The following ANKFN1 variants were observed in gnomAD, a reference collection of about 807,000 sequenced individuals.
ANKFN1 encodes ankyrin repeat and fibronectin type-III domain-containing protein 1.
A neutral mutation model predicts 108.7 loss-of-function variants in ANKFN1; 74 were observed. That is an observed-to-expected ratio of 0.68 (90% CI 0.56 to 0.83). The LOEUF (loss-of-function observed/expected upper bound fraction) is 0.83, where lower values mean the gene tolerates loss of function less well. Ranked by LOEUF, ANKFN1 falls within the 40% of genes least tolerant of loss-of-function variation. The probability of loss-of-function intolerance (pLI) is 0.00; values close to 1 mark genes in which losing one functional copy is unlikely to be tolerated. For synonymous variants in ANKFN1, 547 were observed against 516.2 expected (o/e 1.06, Z -0.81); for missense variants, 1,505 against 1,382.3 (o/e 1.09, Z -1.41).
rs1438226196 is a variant in ANKFN1, at chr17:56,090,217, A to T, written c.288+43892A>T. Among the ~76,000 whole-genome samples, 9 of 151,356 alleles carry T rather than the reference A, an allele frequency of 5.9e-5. No individual in the cohort carries two copies. The East Asian group carries it at 1.2e-3, about 20-fold the overall frequency. On this transcript the variant is annotated intron_variant, in intron 4 of 12. Coordinates refer to the ANKFN1 transcript ENST00000635860. ...GGCGCTGTATAGTGTATGAGCCAGA[A>T]TGTGAGCACTGAGTAGCAGGTGCGG...
intron 3 of ANKFN1, among the ~76,000 whole-genome samples, chr17:56,297,156 G>A (rs1226641690): frequency 2.0e-5 from 3 of 152,234 alleles, no homozygotes; most frequent in Non-Finnish European, 2.9e-5. Flanking sequence ...GGGTAAGGGT[G>A]GAGGTTGCTT....
chr17:56,146,215 G>A (rs1472043518), intron 4 of ANKFN1, among the ~76,000 whole-genome samples: 2 of 152,198 alleles, frequency 1.3e-5, no homozygotes, highest in Non-Finnish European at 2.9e-5. Context: ...TCTACCCTGT[G>A]GCTTTGCAGG....
At chr17:56,453,197 T>C (rs2049553527) in intron 11 of ANKFN1, among the ~76,000 whole-genome samples, 1 of 152,144 alleles carries the variant, frequency 6.6e-6, no homozygotes, top group Admixed American at 6.6e-5. Context: ...AGTAATGATG[T>C]ATCTCTTTTT....
At chr17:56,260,177 A>G (rs1211883137) in intron 3 of ANKFN1, among the ~76,000 whole-genome samples, 1 of 152,234 alleles carries the variant, frequency 6.6e-6, no homozygotes, top group Non-Finnish European at 1.5e-5. Context: ...TTTGCAGAAA[A>G]GAGCTGGAAG....
chr17:56,117,353 C>A (rs1906345124), intron 4 of ANKFN1, among the ~76,000 whole-genome samples: 1 of 152,136 alleles, frequency 6.6e-6, no homozygotes, highest in South Asian at 2.1e-4. Flanking sequence ...GGAGACTATT[C>A]TTATCTAATG....
chr17:56,168,764 C>T (rs1471707084), intron 1 of ANKFN1, among the ~76,000 whole-genome samples: 3 of 152,148 alleles, frequency 2.0e-5, no homozygotes, highest in Non-Finnish European at 4.4e-5. Context: ...ATCTTTTTAG[C>T]ATGATGATGC....
At chr17:56,342,706 C>T (rs1356067079) in intron 4 of ANKFN1, among the ~76,000 whole-genome samples, 2 of 152,034 alleles carry the variant, frequency 1.3e-5, no homozygotes, top group African/African-American at 4.8e-5. Context: ...GAGTGTTTTA[C>T]TTCCAATTAT....
At chr17:56,505,322 C>A (rs114875654) in intron 20 of ANKFN1, among the ~76,000 whole-genome samples, 1,806 of 152,268 alleles carry the variant, frequency 0.012, 36 homozygotes, top group African/African-American at 0.041. Context: ...ATATTTGTTT[C>A]AGTTTCAATT....
intron 3 of ANKFN1, among the ~76,000 whole-genome samples, chr17:56,299,775 G>A (rs1043632352): frequency 1.2e-4 from 18 of 152,168 alleles, no homozygotes; most frequent in Admixed American, 2.0e-4. Context: ...CTGGCACATG[G>A]TAAACCCCAA....
rs968982473 is a variant in ANKFN1 at position 56,385,348 on chromosome 17, A to G, written c.910+10634A>G. ...GATGGATTAAAGACTTAAATGTTAG[A>G]CCTAAAACCATAAAAACCCTAGAAG... On this transcript the variant is annotated intron_variant, in intron 8 of 20. Transcript: ENST00000682825. Among the ~76,000 whole-genome samples the G allele has an allele frequency of 4.6e-5, 7 of 152,332 alleles. No homozygotes were observed. The East Asian group carries it at 5.8e-4, about 13-fold the overall frequency.
chr17:56,505,724 A>C (rs556292855), intron 20 of ANKFN1, among the ~76,000 whole-genome samples: 117 of 152,346 alleles, frequency 7.7e-4, no homozygotes, highest in African/African-American at 2.7e-3. Context: ...AACTAACTCC[A>C]CCTGGGGAAA....
At chr17:56,140,369 C>T (rs146735704) in intron 4 of ANKFN1, among the ~76,000 whole-genome samples, 2 of 152,312 alleles carry the variant, frequency 1.3e-5, no homozygotes, top group East Asian at 3.9e-4. Flanking sequence ...TTTCAGCTCC[C>T]CTTTCCAATA....
At chr17:56,267,194 G>T (rs1434814683) in intron 3 of ANKFN1, among the ~76,000 whole-genome samples, 2 of 152,184 alleles carry the variant, frequency 1.3e-5, no homozygotes, top group East Asian at 3.9e-4. Flanking sequence ...ATGGCCTCCA[G>T]CTGCATGTGT....
chr17:56,373,485 A>G (rs981975909), intron 7 of ANKFN1, among the ~76,000 whole-genome samples: 2 of 152,248 alleles, frequency 1.3e-5, no homozygotes, highest in Non-Finnish European at 2.9e-5. Flanking sequence ...CTTGTGAAAT[A>G]TTAAACTCTC....
At chr17:56,250,820 CCATGCAGGAAAGTTGGAGGA>C (rs2043217161) in intron 3 of ANKFN1, among the ~76,000 whole-genome samples, 1 of 152,130 alleles carries the variant, frequency 6.6e-6, no homozygotes, top group Admixed American at 6.5e-5. Flanking sequence ...ACAATTTTTC[CCATGCAGGAAAGTTGGAGGA>C]CAAGCTAAAC....
intron 14 of ANKFN1, among the ~76,000 whole-genome samples, chr17:56,465,491 G>A (rs1243009864): frequency 3.3e-5 from 5 of 152,074 alleles, no homozygotes. Context: ...TGCTAACAGG[G>A]CATCTCACCA....
chr17:56,071,584 A>G (rs1281363871), intron 4 of ANKFN1, among the ~76,000 whole-genome samples: 1 of 152,186 alleles, frequency 6.6e-6, no homozygotes, highest in African/African-American at 2.4e-5. Flanking sequence ...AACATTTCCA[A>G]CTGCCTGTAA....
At chr17:56,154,292 A>T (rs1908877961) in intron 1 of ANKFN1, among the ~76,000 whole-genome samples, 1 of 152,130 alleles carries the variant, frequency 6.6e-6, no homozygotes, top group Non-Finnish European at 1.5e-5. Context: ...CTGGTAGGGG[A>T]TACTAATAGG....
At position 56,049,660 on chromosome 17, in the gene ANKFN1, C is replaced by T. The variant is rs574828924; in HGVS notation, c.288+3335C>T. On this transcript the variant is annotated intron_variant, in intron 4 of 12. Transcript: ENST00000635860. ...TGCAGTGTTTGGTTTTTTGTTCTTG[C>T]GATAGTTTACCGAGAATGATGATTT... Among the ~76,000 whole-genome samples the T allele has an allele frequency of 6.0e-5, 9 of 150,344 alleles. No individual in the cohort carries two copies. The South Asian group carries it at 6.3e-4, about 11-fold the overall frequency.
Sources: allele counts gnomAD v4.1 joint callset (sites outside exome capture counted in the v4.1 genomes callset), GRCh38; gene constraint gnomAD v4.1.1; transcripts MANE v1.5; gene names NCBI Gene and HGNC (gene_info 2026-07-23, HGNC 2026-07-21).